Variants in PTH2R observed in about 807,000 individuals in gnomAD.
PTH2R encodes parathyroid hormone 2 receptor, also known as PTH2 receptor.
Under a neutral mutation model 60.3 loss-of-function variants are expected in PTH2R, and 59 were observed. The ratio of observed to expected loss-of-function variants is 0.98; its 90% CI spans 0.79 to 1.22. PTH2R has a LOEUF of 1.22. Ranked by LOEUF, PTH2R falls within the 50% of genes most tolerant of loss-of-function variation. PTH2R has a pLI of 0.00. For missense variants in PTH2R, 749 were observed against 682.6 expected (o/e 1.10, Z -1.08); for synonymous variants, 256 against 243.8 (o/e 1.05, Z -0.47).
At position 208,444,938 on chromosome 2, in the gene PTH2R, A is replaced by G. The variant is rs1213939665; in HGVS notation, c.853+51A>G. 10 of 1,548,892 alleles carry G rather than the reference A, an allele frequency of 6.5e-6. No individual in the cohort carries two copies. In the Admixed American group the frequency reaches 1.8e-4, roughly 28 times the overall value. On this transcript the variant is annotated intron_variant, in intron 7 of 12. Coordinates refer to ENST00000272847, the MANE Select transcript of PTH2R (RefSeq NM_005048.4). ...TTCAAACTGGATGATGCATTTGATG[A>G]CATTCTGTCATGCCCATCATTAGCA...
At chr2:208,451,498 T>C (rs964073819) in intron 8 of PTH2R, among the ~76,000 whole-genome samples, 1 of 152,158 alleles carries the variant, frequency 6.6e-6, no homozygotes, top group African/African-American at 2.4e-5. Context: ...TTCCTTTGTA[T>C]CAGGGATTGT....
intron 2 of PTH2R, among the ~76,000 whole-genome samples, chr2:208,431,775 C>G (rs1007844976): frequency 6.6e-6 from 1 of 152,210 alleles, no homozygotes; most frequent in African/African-American, 2.4e-5. Context: ...GCCTCAGGCT[C>G]TTCTTTTGTT....
intron 1 of PTH2R, among the ~76,000 whole-genome samples, chr2:208,422,024 A>G (rs1469187474): frequency 6.6e-6 from 1 of 152,216 alleles, no homozygotes; most frequent in Admixed American, 6.5e-5. Context: ...AGGATTTGCT[A>G]TAAGCAAACT....
chr2:208,392,536 G>A (rs935951352), intron 1 of PTH2R, among the ~76,000 whole-genome samples: 1 of 152,106 alleles, frequency 6.6e-6, no homozygotes, highest in Non-Finnish European at 1.5e-5. Context: ...TTTGTCCTGG[G>A]GCTATAAGGA....
In PTH2R at chr2:208,437,593, G is replaced by A; in HGVS notation, c.235G>A (p.Gly79Arg). 1 of 1,613,608 alleles carries A rather than the reference G, an allele frequency of 6.2e-7. No homozygotes were observed. Among genetic ancestry groups the A allele is most frequent in the Non-Finnish European group, 8.5e-7 (1 of 1,179,810 alleles). The stretch of plus-strand genomic sequence containing the variant: ...CATTTGTTGGCCCAGAGGAACAGTG[G>A]GGAAAATATCGGCTGTTCCATGCCC... ...GLICWPRGTV[G>R]KISAVPCPPY... The change falls in exon 3 of 13, where the codon GGG becomes AGG. Residue 79 changes from glycine to arginine, a missense_variant. Gly to Arg is a moderately radical substitution (Grantham distance 125). Coordinates refer to ENST00000272847, the MANE Select transcript of PTH2R (RefSeq NM_005048.4).
rs1700745910 is a variant in PTH2R, at chr2:208,373,812, A to G, written c.-259+13575A>G. 1.3e-5 allele frequency among the ~76,000 whole-genome samples: 2 copies of G among 152,282 alleles called. 1 individual carries two copies. The highest frequency in any genetic ancestry group is 4.8e-5 in the African/African-American group (2 of 41,506). ...AATGTCTTCTACGTTATTCTTTGAC[A>G]ATACTTTGTTACATCTCAGAATTTG... On this transcript the variant is annotated intron_variant, in intron 1 of 12. Transcript: ENST00000617735.
intron 1 of PTH2R, among the ~76,000 whole-genome samples, chr2:208,375,165 T>G (rs1021489207): frequency 6.6e-6 from 1 of 152,144 alleles, no homozygotes; most frequent in African/African-American, 2.4e-5. Flanking sequence ...TGCAAAAATC[T>G]TTGTTTTCTA....
intron 9 of PTH2R, among the ~76,000 whole-genome samples, chr2:208,461,229 T>C (rs1702628888): frequency 6.6e-6 from 1 of 152,114 alleles, no homozygotes; most frequent in African/African-American, 2.4e-5. Context: ...ATGGCTTAAA[T>C]GTATAAACAC....
intron 10 of PTH2R, among the ~76,000 whole-genome samples, chr2:208,482,231 TG>T (rs761750745): frequency 3.9e-5 from 6 of 152,198 alleles, no homozygotes; most frequent in Non-Finnish European, 7.3e-5. Flanking sequence ...TTGTGGGATC[TG>T]GCCAGCAGCC....
chr2:208,403,889 C>T (rs913915358), upstream of PTH2R, among the ~76,000 whole-genome samples: 1 of 152,192 alleles, frequency 6.6e-6, no homozygotes, highest in Non-Finnish European at 1.5e-5. Flanking sequence ...GACTTCCTCA[C>T]AGCATGGTGG....
chr2:208,445,158 A>G (rs1447440247), intron 7 of PTH2R, among the ~76,000 whole-genome samples: 1 of 152,168 alleles, frequency 6.6e-6, no homozygotes, highest in African/African-American at 2.4e-5. Flanking sequence ...ATATAAGAGA[A>G]CTCATTGTAA....
intron 4 of PTH2R, among the ~76,000 whole-genome samples, chr2:208,441,514 AG>A (rs1193604080): frequency 1.7e-4 from 26 of 152,362 alleles, no homozygotes; most frequent in African/African-American, 6.3e-4. Context: ...TATTAGTATT[AG>A]ATTACATCCT....
chr2:208,441,398 G>C (rs1368920168), intron 4 of PTH2R, among the ~76,000 whole-genome samples: 1 of 152,182 alleles, frequency 6.6e-6, no homozygotes, highest in Admixed American at 6.5e-5. Context: ...AAATTCAGCT[G>C]TCTAGCAGCT....
At chr2:208,477,963 AGT>A (rs1703053627) in intron 9 of PTH2R, among the ~76,000 whole-genome samples, 2 of 25,182 alleles carry the variant, frequency 7.9e-5, no homozygotes, top group African/African-American at 1.5e-4. Flanking sequence ...CACTACTACT[AGT>A]ACTAGTACTA....
intron 8 of PTH2R, among the ~76,000 whole-genome samples, chr2:208,454,396 G>A (rs1702468584): frequency 6.6e-6 from 1 of 152,152 alleles, no homozygotes; most frequent in African/African-American, 2.4e-5. Flanking sequence ...GTGGGGCCCT[G>A]TTATGAAAGG....
intron 9 of PTH2R, among the ~76,000 whole-genome samples, chr2:208,478,372 T>A (rs565731699): frequency 6.6e-6 from 1 of 151,632 alleles, no homozygotes; most frequent in African/African-American, 2.4e-5. Flanking sequence ...CTGGGGGGAG[T>A]CCTTATCCTT....
intron 1 of PTH2R, among the ~76,000 whole-genome samples, chr2:208,419,201 A>G (rs1396367701): frequency 3.9e-5 from 6 of 152,114 alleles, no homozygotes; most frequent in Non-Finnish European, 7.4e-5. Flanking sequence ...TGACTTTTTA[A>G]TGATTGCCAT....
intron 1 of PTH2R, among the ~76,000 whole-genome samples, chr2:208,387,923 C>T (rs1187227151): frequency 6.6e-6 from 1 of 152,194 alleles, no homozygotes. Flanking sequence ...GGCCCCCTCT[C>T]AGTGCTAGTC....
chr2:208,464,478 A>G (rs180996649), intron 9 of PTH2R, among the ~76,000 whole-genome samples: 2 of 152,306 alleles, frequency 1.3e-5, no homozygotes, highest in East Asian at 1.9e-4. Flanking sequence ...ACACCAGTAC[A>G]TGATTTGTCT....
Sources: gnomAD v4.1 joint callset for allele counts (sites outside exome capture counted in the v4.1 genomes callset) on GRCh38, gnomAD v4.1.1 for gene constraint, MANE v1.5 for transcripts, NCBI Gene and HGNC (gene_info 2026-07-23, HGNC 2026-07-21) for gene names.